Variants in BTRC observed in about 807,000 individuals in gnomAD.
BTRC encodes the protein F-box/WD repeat-containing protein 1A.
A neutral mutation model predicts 85.5 loss-of-function variants in BTRC; 42 were observed. The ratio of observed to expected loss-of-function variants is 0.49; its 90% CI spans 0.38 to 0.64. The LOEUF (loss-of-function observed/expected upper bound fraction) is 0.64. Among genes scored for constraint, BTRC ranks in the 30% least tolerant of loss-of-function variants. BTRC has a pLI of 0.00. For synonymous variants in BTRC, 255 were observed against 263.3 expected, an observed-to-expected ratio of 0.97 and a Z score of 0.30; for missense variants, 594 against 743.5, an observed-to-expected ratio of 0.80 and a Z score of 2.34.
intron 5 of BTRC, among the ~76,000 whole-genome samples, chr10:101,522,377 CA>C (rs377683037): frequency 0.42 from 20,619 of 48,954 alleles, 4,573 homozygotes; most frequent in East Asian, 0.68. Flanking sequence ...CAAAAAAAAA[CA>C]AAAAAAAAAA....
intron 14 of BTRC, among the ~76,000 whole-genome samples, chr10:101,552,740 C>A (rs74316924): frequency 0.06 from 9,197 of 152,244 alleles, 319 homozygotes; most frequent in East Asian, 0.11. Context: ...ACCCTGCAGC[C>A]ACACAGCCAG....
At chr10:101,497,027 A>C (rs949169255) in intron 4 of BTRC, among the ~76,000 whole-genome samples, 2 of 152,134 alleles carry the variant, frequency 1.3e-5, no homozygotes, top group African/African-American at 4.8e-5. Context: ...TCTTAAAGAC[A>C]TTGTTTTATC....
rs1491162159 is a variant in BTRC, at chr10:101,366,765, G to GTT, written c.48+12538_48+12539dup. 1.8e-3 allele frequency among the ~76,000 whole-genome samples: 102 copies of GTT among 55,442 alleles called. 2 individuals are homozygous for GTT. Among genetic ancestry groups the GTT allele is most frequent in the Admixed American group, 8.1e-3 (24 of 2,946 alleles). 36.4% of individuals were successfully genotyped at this position (55,442 alleles called of 152,430 possible). On this transcript the variant is annotated intron_variant, in intron 1 of 14. Transcript: ENST00000370187. ...GCCCAGGGAGTTTGGACTTAATCTAGTTATATATATATATATATATATATT... is the reference window on the plus strand; with the variant it reads ...GCCCAGGGAGTTTGGACTTAATCTAGTTTTATATATATATATATATATATATT...
At chr10:101,505,139 GTA>G (rs1204502307) in intron 4 of BTRC, among the ~76,000 whole-genome samples, 2 of 4,074 alleles carry the variant, frequency 4.9e-4, no homozygotes, top group Admixed American at 2.6e-3. Flanking sequence ...GTATATATAT[GTA>G]TATATATATG....
intron 3 of BTRC, among the ~76,000 whole-genome samples, chr10:101,463,569 T>C (rs1945286576): frequency 6.6e-6 from 1 of 152,190 alleles, no homozygotes; most frequent in Non-Finnish European, 1.5e-5. Flanking sequence ...AGCATTGTTC[T>C]AGGAAATAGG....
At chr10:101,446,392 C>A (rs1409444054) in intron 2 of BTRC, among the ~76,000 whole-genome samples, 6 of 152,072 alleles carry the variant, frequency 3.9e-5, no homozygotes, top group Admixed American at 3.3e-4. Flanking sequence ...ACCTCTAGGG[C>A]CAAAGGCAGA....
chr10:101,541,034 A>G (rs144488921), intron 13 of BTRC, among the ~76,000 whole-genome samples: 8 of 151,856 alleles, frequency 5.3e-5, no homozygotes, highest in Admixed American at 5.2e-4. Flanking sequence ...TTCATTGCAA[A>G]TACATAGAAA....
chr10:101,525,929 C>T (rs1182154284), intron 5 of BTRC, 84 bp from the exon 6 acceptor site: 6 of 1,301,330 alleles, frequency 4.6e-6, no homozygotes, highest in Non-Finnish European at 5.4e-6. Flanking sequence ...AGAACAAATG[C>T]TGTTCTGTTT....
At chr10:101,468,500 A>C (rs1315277490) in intron 3 of BTRC, among the ~76,000 whole-genome samples, 1 of 152,148 alleles carries the variant, frequency 6.6e-6, no homozygotes, top group Non-Finnish European at 1.5e-5. Flanking sequence ...GCAGCTTTGC[A>C]TCTATTGAAC....
intron 4 of BTRC, among the ~76,000 whole-genome samples, chr10:101,508,900 C>G (rs1013356510): frequency 1.3e-5 from 1 of 78,220 alleles, no homozygotes. Context: ...GGCAACAATG[C>G]AAGACTCCAT....
In BTRC at chr10:101,430,460, C is replaced by A; in HGVS notation, c.156+8C>A. The A allele has an allele frequency of 1.2e-6, 2 of 1,610,890 alleles. No homozygotes were observed. Among genetic ancestry groups the A allele is most frequent in the Non-Finnish European group, 1.7e-6 (2 of 1,177,334 alleles). ...GCACTCACAGCTTTCCAGGTACTTT[C>A]TCTGTCTCTGTGGGTTATTTGCGGG... On this transcript the variant is annotated splice_region_variant and intron_variant, in intron 2 of 14. Coordinates refer to ENST00000370187, the MANE Select transcript of BTRC (RefSeq NM_033637.4).
intron 1 of BTRC, among the ~76,000 whole-genome samples, chr10:101,392,363 C>G (rs1943257509): frequency 6.6e-6 from 1 of 152,188 alleles, no homozygotes; most frequent in Non-Finnish European, 1.5e-5. Flanking sequence ...TTGGCAACCC[C>G]TTTGTGTTGT....
chr10:101,377,258 G>A (rs74152871), intron 1 of BTRC, among the ~76,000 whole-genome samples: 24 of 152,284 alleles, frequency 1.6e-4, no homozygotes, highest in African/African-American at 5.8e-4. Context: ...TTGTTGATTA[G>A]TATTTTATTG....
At chr10:101,372,710 C>A (rs534502898) in intron 1 of BTRC, among the ~76,000 whole-genome samples, 5 of 151,336 alleles carry the variant, frequency 3.3e-5, no homozygotes, top group African/African-American at 1.2e-4. Flanking sequence ...ACTAAAAATA[C>A]AAAAATTAGC....
chr10:101,536,037 G>C (rs925381734), intron 11 of BTRC, among the ~76,000 whole-genome samples: 1 of 152,162 alleles, frequency 6.6e-6, no homozygotes, highest in Non-Finnish European at 1.5e-5. Context: ...CTCTGAAAAC[G>C]TACAGTTTTT....
intron 4 of BTRC, among the ~76,000 whole-genome samples, chr10:101,505,477 G>A (rs1208424359): frequency 2.0e-5 from 3 of 151,412 alleles, no homozygotes; most frequent in East Asian, 2.0e-4. Flanking sequence ...AAAATTAGCC[G>A]GGCGTGGTGG....
chr10:101,461,957 A>T (rs1053267536), intron 2 of BTRC, 24 bp from the exon 3 acceptor site: 1 of 1,564,496 alleles, frequency 6.4e-7, no homozygotes, highest in African/African-American at 1.4e-5. Context: ...TGAGAACTGA[A>T]TTAAAGCTTA....
intron 1 of BTRC, among the ~76,000 whole-genome samples, chr10:101,400,203 G>T (rs984863867): frequency 5.3e-5 from 8 of 152,232 alleles, no homozygotes; most frequent in African/African-American, 1.9e-4. Context: ...AAATAGCAAA[G>T]TAAATACACT....
intron 13 of BTRC, among the ~76,000 whole-genome samples, chr10:101,541,292 C>G (rs535665276): frequency 7.9e-5 from 12 of 151,454 alleles, no homozygotes; most frequent in Middle Eastern, 3.4e-3. Flanking sequence ...CGGAGTCTCG[C>G]TCTTTCACCC....
Sources: gnomAD v4.1 joint callset for allele counts (sites outside exome capture counted in the v4.1 genomes callset) on GRCh38, gnomAD v4.1.1 for gene constraint, MANE v1.5 for transcripts, NCBI Gene and HGNC (gene_info 2026-07-23, HGNC 2026-07-21) for gene names.